The following DPF3 variants were observed in gnomAD, a reference collection of about 807,000 sequenced individuals.
The protein encoded by DPF3 is double PHD fingers 3, also known as zinc finger protein DPF3.
DPF3 carries 18 observed loss-of-function variants against 56.8 expected under a neutral mutation model. The observed-to-expected ratio is 0.32, with a 90% CI of 0.22 to 0.47. The LOEUF (loss-of-function observed/expected upper bound fraction) is 0.47. Ranked by LOEUF, DPF3 falls within the 20% of genes least tolerant of loss-of-function variation. The probability of loss-of-function intolerance (pLI) is 1.00; values close to 1 mark genes in which losing one functional copy is unlikely to be tolerated. For missense variants in DPF3, 403 were observed against 488.8 expected (o/e 0.82, Z 1.65); for synonymous variants, 188 against 180.2 (o/e 1.04, Z -0.35).
chr14:72,624,188 A>G (rs552299149), intron 9 of DPF3, among the ~76,000 whole-genome samples: 48 of 152,328 alleles, frequency 3.2e-4, no homozygotes, highest in African/African-American at 1.1e-3. Flanking sequence ...GAAATTATGC[A>G]GAGAATTGTA....
chr14:72,883,991 C>T (rs1346410304), intron 1 of DPF3, among the ~76,000 whole-genome samples: 1 of 151,816 alleles, frequency 6.6e-6, no homozygotes, highest in Non-Finnish European at 1.5e-5. Flanking sequence ...ATGCCAACAG[C>T]TCACTCTCCT....
At chr14:72,820,606 C>A (rs1175438276) in intron 1 of DPF3, among the ~76,000 whole-genome samples, 1 of 152,108 alleles carries the variant, frequency 6.6e-6, no homozygotes, top group Non-Finnish European at 1.5e-5. Flanking sequence ...AGTTAAGACC[C>A]AAAACCTTAA....
intron 1 of DPF3, among the ~76,000 whole-genome samples, chr14:72,845,153 C>A (rs1390325145): frequency 6.6e-6 from 1 of 152,128 alleles, no homozygotes; most frequent in Non-Finnish European, 1.5e-5. Flanking sequence ...TCAGCTCCCA[C>A]TCCACCCTAA....
chr14:72,661,485 G>C (rs1599334455), intron 8 of DPF3: 1 of 985,602 alleles, frequency 1.0e-6, no homozygotes, highest in Middle Eastern at 5.2e-4. Flanking sequence ...GGAAACCCAA[G>C]AGCATGGCTG....
chr14:72,742,034 C>T (rs1990439), intron 3 of DPF3, among the ~76,000 whole-genome samples: 33,146 of 152,210 alleles, frequency 0.22, 4,017 homozygotes, highest in Middle Eastern at 0.32. Flanking sequence ...ACTTCGTCCC[C>T]CAGTCCCTGC....
intron 1 of DPF3, among the ~76,000 whole-genome samples, chr14:72,778,662 T>G (rs941534489): frequency 6.6e-6 from 1 of 152,046 alleles, no homozygotes; most frequent in Non-Finnish European, 1.5e-5. Context: ...GCCAGAAAGG[T>G]TGGGGACTTC....
At chr14:72,669,723 C>T (rs1599341200) in intron 8 of DPF3, among the ~76,000 whole-genome samples, 1 of 152,228 alleles carries the variant, frequency 6.6e-6, no homozygotes. Context: ...ATAGTCCAAG[C>T]AAGACTCAGA....
At chr14:72,639,848 C>T (rs923143843) in intron 8 of DPF3, among the ~76,000 whole-genome samples, 20 of 151,858 alleles carry the variant, frequency 1.3e-4, no homozygotes, top group Admixed American at 8.5e-4. Context: ...TAATTTCTTA[C>T]ACAGATAACT....
intron 4 of DPF3, chr14:72,731,379 G>T (rs1290545576): frequency 6.1e-6 from 1 of 164,138 alleles, no homozygotes; most frequent in Non-Finnish European, 1.2e-5. Context: ...GACCGGTGAG[G>T]CTGGGTGTGA....
chr14:72,670,424 G>A (rs1886618482), intron 8 of DPF3: 1 of 985,888 alleles, frequency 1.0e-6, no homozygotes, highest in African/African-American at 1.7e-5. Context: ...GCCAGGCATA[G>A]GCACCCCGAC....
intron 8 of DPF3, among the ~76,000 whole-genome samples, chr14:72,630,087 C>T (rs997595206): frequency 2.0e-5 from 3 of 152,244 alleles, no homozygotes; most frequent in Non-Finnish European, 4.4e-5. Context: ...CCAGTGGGAC[C>T]CTCCAAGCCC....
chr14:72,842,171 C>T (rs921882287), intron 1 of DPF3, among the ~76,000 whole-genome samples: 3 of 151,972 alleles, frequency 2.0e-5, no homozygotes, highest in Non-Finnish European at 4.4e-5. Flanking sequence ...AATTGGCACC[C>T]CTTTGGAAAA....
chr14:72,842,786 G>C (rs918646383), intron 1 of DPF3, among the ~76,000 whole-genome samples: 5 of 152,190 alleles, frequency 3.3e-5, no homozygotes, highest in Non-Finnish European at 4.4e-5. Context: ...CACTTTGGGA[G>C]GCCGAGGCAG....
chr14:72,654,317 G>C (rs1472148833), intron 8 of DPF3, among the ~76,000 whole-genome samples: 1 of 151,956 alleles, frequency 6.6e-6, no homozygotes, highest in Non-Finnish European at 1.5e-5. Context: ...TCAGTGGTCT[G>C]CCTTCTATTT....
intron 4 of DPF3, among the ~76,000 whole-genome samples, chr14:72,728,605 CAT>C (rs1567213702): frequency 6.6e-6 from 1 of 152,104 alleles, no homozygotes; most frequent in Non-Finnish European, 1.5e-5. Flanking sequence ...CAAAGTAGGA[CAT>C]GTCAGAGACG....
chr14:72,890,901 CA>C (rs1408296823), intron 1 of DPF3, among the ~76,000 whole-genome samples: 1 of 151,998 alleles, frequency 6.6e-6, no homozygotes, highest in Non-Finnish European at 1.5e-5. Flanking sequence ...AAGGCGACAA[CA>C]GAGAGAGAAG....
intron 6 of DPF3, among the ~76,000 whole-genome samples, chr14:72,708,814 C>T (rs948591584): frequency 1.3e-5 from 2 of 152,244 alleles, no homozygotes; most frequent in Non-Finnish European, 2.9e-5. Flanking sequence ...CCACTGCTCC[C>T]TTCATGTCCT....
In DPF3 at chr14:72,690,684, G is replaced by A. The variant is rs549142132; in HGVS notation, c.742+2392C>T. Among the ~76,000 whole-genome samples, 17 of 151,972 alleles carry A rather than the reference G, an allele frequency of 1.1e-4. 1 individual carries two copies. Among genetic ancestry groups the A allele is most frequent in the African/African-American group, 3.9e-4 (16 of 41,436 alleles). On this transcript the variant is annotated intron_variant, in intron 7 of 10. Transcript: ENST00000556509. ...ACACCCGGCTCATAATGAGGCTACA[G>A]GAGAACCAAGGAAAATGAGACACAG...
intron 8 of DPF3, among the ~76,000 whole-genome samples, chr14:72,640,203 G>T (rs1272276818): frequency 6.6e-6 from 1 of 152,096 alleles, no homozygotes; most frequent in South Asian, 2.1e-4. Flanking sequence ...ATGCTAGAAA[G>T]GTATGAGGAA....
Sources: allele counts gnomAD v4.1 joint callset (sites outside exome capture counted in the v4.1 genomes callset), GRCh38; gene constraint gnomAD v4.1.1; transcripts MANE v1.5; gene names NCBI Gene and HGNC (gene_info 2026-07-23, HGNC 2026-07-21).